Variants in GDA observed in about 807,000 individuals in gnomAD.
GDA encodes guanine deaminase.
Under a neutral mutation model 59.6 loss-of-function variants are expected in GDA, and 18 were observed. That is an observed-to-expected ratio of 0.30 (90% CI 0.21 to 0.45). The LOEUF is 0.45. Ranked by LOEUF, GDA falls within the 20% of genes least tolerant of loss-of-function variation. The pLI, the probability that GDA is intolerant of heterozygous loss-of-function variation, is 1.00. For missense variants in GDA, 427 were observed against 552.3 expected (o/e 0.77, Z 2.27); for synonymous variants, 201 against 201.1 (o/e 1.00, Z 0.00).
At position 72,245,143 on chromosome 9, in the gene GDA, A is replaced by T; in HGVS notation, c.1136-5A>T. 6.2e-7 allele frequency: 1 copy of T among 1,613,600 alleles called. No homozygotes were observed. Among genetic ancestry groups the T allele is most frequent in the Non-Finnish European group, 8.5e-7 (1 of 1,179,624 alleles). On this transcript the variant is annotated splice_region_variant and splice_polypyrimidine_tract_variant and intron_variant, in intron 11 of 13. Transcript: ENST00000358399. ...CCTGACTGTTTATTCACTTGTTCTC[A>T]ATAGCCCTGGGGCTGGATGGTGAGA...
At chr9:72,151,733 G>A (rs555002089) in intron 1 of GDA, among the ~76,000 whole-genome samples, 3 of 151,242 alleles carry the variant, frequency 2.0e-5, no homozygotes, top group Non-Finnish European at 4.4e-5. Context: ...TCAGCCTCCC[G>A]AGTAGCTGGG....
At chr9:72,205,668 A>C (rs918334522) in intron 3 of GDA, among the ~76,000 whole-genome samples, 26 of 152,178 alleles carry the variant, frequency 1.7e-4, no homozygotes, top group Admixed American at 1.1e-3. Context: ...GACTGGCTAG[A>C]GCTCAGCTGC....
At chr9:72,125,669 TCAA>T (rs1435505114) in intron 1 of GDA, among the ~76,000 whole-genome samples, 1 of 152,162 alleles carries the variant, frequency 6.6e-6, no homozygotes, top group Non-Finnish European at 1.5e-5. Flanking sequence ...ACCAGCCCAT[TCAA>T]CAACAAGATT....
rs1840578723 is a variant in GDA, at chr9:72,250,545, T to C, written c.*2203T>C. On this transcript the variant is annotated 3_prime_UTR_variant, in exon 14 of 14. Transcript: ENST00000358399. ...CCACATCACTTATAACTTATGTGTT[T>C]TATTTCTCCAAGTGCGGTGTTCCTG... 2.8e-6 allele frequency: 4 copies of C among 1,435,330 alleles called. No individual in the cohort carries two copies. The highest frequency in any genetic ancestry group is 2.9e-5 in the Admixed American group (1 of 35,054). 88.9% of individuals were successfully genotyped at this position (1,435,330 alleles called of 1,614,324 possible). A position where few individuals can be genotyped will look rare whatever the true frequency, so the allele number is the denominator to read the frequency against.
At chr9:72,219,351 C>G (rs998710218) in intron 5 of GDA, 128 bp from the exon 6 acceptor site, 14 of 626,258 alleles carry the variant, frequency 2.2e-5, no homozygotes, top group Non-Finnish European at 3.0e-5. Context: ...TGCAGTGAGC[C>G]GAGATCGCAC....
chr9:72,116,296 G>A (rs1825439386), intron 1 of GDA, among the ~76,000 whole-genome samples: 1 of 151,426 alleles, frequency 6.6e-6, no homozygotes, highest in Non-Finnish European at 1.5e-5. Flanking sequence ...TAAGCATCAA[G>A]TCAAAGTAGA....
chr9:72,225,441 A>G (rs890771479), intron 7 of GDA, among the ~76,000 whole-genome samples: 1 of 152,002 alleles, frequency 6.6e-6, no homozygotes, highest in African/African-American at 2.4e-5. Context: ...ACCCACACCC[A>G]CATCCACACA....
chr9:72,189,335 C>T (rs931235995), intron 1 of GDA, among the ~76,000 whole-genome samples: 2 of 151,784 alleles, frequency 1.3e-5, no homozygotes, highest in Non-Finnish European at 2.9e-5. Flanking sequence ...CATGCATCCC[C>T]ATACCTGGCT....
chr9:72,121,585 G>A (rs940787735), intron 1 of GDA, among the ~76,000 whole-genome samples: 3 of 152,144 alleles, frequency 2.0e-5, no homozygotes, highest in Non-Finnish European at 2.9e-5. Flanking sequence ...TGACAAGAGC[G>A]AAAGTCAGCC....
chr9:72,161,374 G>A (rs1446798569), intron 1 of GDA, among the ~76,000 whole-genome samples: 1 of 152,044 alleles, frequency 6.6e-6, no homozygotes, highest in Non-Finnish European at 1.5e-5. Context: ...CTGGTGCTTG[G>A]ATTTTTTTCA....
intron 1 of GDA, among the ~76,000 whole-genome samples, chr9:72,127,354 C>T (rs1053801940): frequency 6.6e-6 from 1 of 151,938 alleles, no homozygotes; most frequent in African/African-American, 2.4e-5. Flanking sequence ...AAAATCCTTC[C>T]TGGGCTGGGC....
intron 1 of GDA, among the ~76,000 whole-genome samples, chr9:72,117,789 G>C (rs1191703600): frequency 2.0e-5 from 3 of 152,160 alleles, no homozygotes; most frequent in African/African-American, 7.2e-5. Flanking sequence ...TTGGGTGATA[G>C]TTACTTTCTT....
chr9:72,180,346 G>T (rs1326381297), intron 1 of GDA, among the ~76,000 whole-genome samples: 1 of 152,024 alleles, frequency 6.6e-6, no homozygotes, highest in Admixed American at 6.6e-5. Context: ...AACAGAGCAA[G>T]AGTCCCTCTC....
chr9:72,230,504 AT>A (rs374864372), intron 9 of GDA, among the ~76,000 whole-genome samples: 4,747 of 94,184 alleles, frequency 0.05, 88 homozygotes, highest in South Asian at 0.085. Flanking sequence ...AAAAAAAAAT[AT>A]ATATATATAT....
At chr9:72,241,063 G>A (rs1839559026) in intron 10 of GDA, 89 bp from the exon 11 acceptor site, 2 of 873,220 alleles carry the variant, frequency 2.3e-6, no homozygotes, top group Admixed American at 2.3e-5. Context: ...ATTAAGGACT[G>A]AATATCTGTC....
At chr9:72,119,551 G>A (rs533744330) in intron 1 of GDA, among the ~76,000 whole-genome samples, 27 of 152,220 alleles carry the variant, frequency 1.8e-4, no homozygotes, top group Middle Eastern at 3.4e-3. Context: ...ATGTGTAAAT[G>A]TTTGGAAAAA....
chr9:72,250,693 C>T lies in GDA; in HGVS notation c.*2351C>T. 6.2e-7 allele frequency: 1 copy of T among 1,610,968 alleles called. No homozygotes were observed. The highest frequency in any genetic ancestry group is 1.1e-5 in the South Asian group (1 of 91,020). On this transcript the variant is annotated 3_prime_UTR_variant, in exon 14 of 14. Coordinates refer to ENST00000358399, the MANE Select transcript of GDA (RefSeq NM_004293.5). ...TGACTTTCTGAATTGTGGAGAGGCA[C>T]TTTTCCAAGCCAATCTTATTTGTCA...
intron 1 of GDA, among the ~76,000 whole-genome samples, chr9:72,179,276 A>G (rs2131054176): frequency 6.6e-6 from 1 of 152,328 alleles, no homozygotes; most frequent in East Asian, 1.9e-4. Flanking sequence ...TGGTTACCCT[A>G]CCAAAAATTA....
Position 72,149,451 on chromosome 9 carries a change from G to A in GDA, c.-109G>A, listed in dbSNP as rs1296162414. The A allele has an allele frequency of 6.7e-6, 9 of 1,350,922 alleles. No individual in the cohort carries two copies. The highest frequency in any genetic ancestry group is 2.7e-5 in the East Asian group (1 of 37,650). 83.7% of individuals were successfully genotyped at this position (1,350,922 alleles called of 1,614,324 possible). On this transcript the variant is annotated 5_prime_UTR_variant, in exon 1 of 14. Coordinates refer to ENST00000358399, the MANE Select transcript of GDA (RefSeq NM_004293.5). ...GGGTAAGCGGGGGCAGGACAAGGCC[G>A]GAGCCTGTGTCCGCCCGGCAGCCGC...
Sources: allele counts gnomAD v4.1 joint callset (sites outside exome capture counted in the v4.1 genomes callset), GRCh38; gene constraint gnomAD v4.1.1; transcripts MANE v1.5; gene names NCBI Gene and HGNC (gene_info 2026-07-23, HGNC 2026-07-21).